CLCC1: variants seen among roughly 807,000 people sequenced by gnomAD.
The protein encoded by CLCC1 is chloride channel CLIC-like protein 1.
In CLCC1, 39 loss-of-function variants were observed where a neutral mutation model predicts 63.3. The observed-to-expected ratio is 0.62, with a 90% CI of 0.48 to 0.81. The LOEUF is 0.81. CLCC1 is among the 30% of genes least tolerant of loss of function. The pLI is 0.00. For synonymous variants in CLCC1, 217 were observed against 239.8 expected (o/e 0.90, Z 0.88); for missense variants, 549 against 669.4 (o/e 0.82, Z 1.98).
At chr1:108,955,397 G>T (rs1655756005) in intron 2 of CLCC1, among the ~76,000 whole-genome samples, 1 of 151,422 alleles carries the variant, frequency 6.6e-6, no homozygotes, top group Admixed American at 6.6e-5. Flanking sequence ...TCTCCCCACG[G>T]AAAGATGGAG....
chr1:108,929,535 A>G lies in CLCC1; in HGVS notation c.*3012T>C. The G allele has an allele frequency of 1.5e-6, 1 of 665,876 alleles. No homozygotes were observed. Among genetic ancestry groups the G allele is most frequent in the South Asian group, 1.9e-5 (1 of 53,052 alleles). 41.2% of individuals were successfully genotyped at this position (665,876 alleles called of 1,614,324 possible). ...GGTTTAAAGATTATTTCTTTCAGAA[A>G]TCAGGCTGGGAACTAAAGAGAACAA... On this transcript the variant is annotated 3_prime_UTR_variant, in exon 13 of 13. Coordinates refer to ENST00000369969, the MANE Select transcript of CLCC1 (RefSeq NM_001377458.1).
intron 4 of CLCC1, among the ~76,000 whole-genome samples, chr1:108,949,553 G>A (rs1162821219): frequency 6.6e-6 from 1 of 152,092 alleles, no homozygotes. Context: ...CGTATTCCTT[G>A]CACCAAGAAG....
intron 1 of CLCC1, among the ~76,000 whole-genome samples, chr1:108,963,132 G>A (rs1656885675): frequency 1.3e-5 from 2 of 152,202 alleles, no homozygotes; most frequent in African/African-American, 4.8e-5. Context: ...GCACCTCCCC[G>A]GAACGCGCGC....
chr1:108,930,206 T>A lies in CLCC1; in HGVS notation c.*2341A>T, dbSNP rs1282232810. 11 of 381,566 alleles carry A rather than the reference T, an allele frequency of 2.9e-5. No individual in the cohort carries two copies. The South Asian group carries it at 5.8e-4, about 20-fold the overall frequency. The allele number at this position is 381,566 out of a possible 1,614,324, so 23.6% of individuals were successfully genotyped here. A position where few individuals can be genotyped will look rare whatever the true frequency, so the allele number is the denominator to read the frequency against. ...TGGCAGCTTGTGAGATTACTTTACC[T>A]AGTGTTTATAAAGTAGGAAGTTAAG... On this transcript the variant is annotated 3_prime_UTR_variant, in exon 13 of 13. Coordinates refer to ENST00000369969, the MANE Select transcript of CLCC1 (RefSeq NM_001377458.1).
intron 2 of CLCC1, among the ~76,000 whole-genome samples, chr1:108,960,308 T>C (rs935234000): frequency 1.3e-5 from 2 of 152,098 alleles, no homozygotes; most frequent in Admixed American, 1.3e-4. Context: ...ATCAGGGCAA[T>C]AGAAGACAAG....
At chr1:108,953,327 C>T (rs1334960831) in intron 2 of CLCC1, among the ~76,000 whole-genome samples, 1 of 152,218 alleles carries the variant, frequency 6.6e-6, no homozygotes, top group African/African-American at 2.4e-5. Flanking sequence ...TCCATTAGCA[C>T]AATAGCTCTC....
intron 10 of CLCC1, among the ~76,000 whole-genome samples, chr1:108,939,400 A>G (rs540942409): frequency 4.7e-5 from 7 of 148,366 alleles, no homozygotes; most frequent in East Asian, 2.0e-4. Flanking sequence ...TCCGCCTCCC[A>G]GGTTCACCCC....
intron 10 of CLCC1, 23 bp downstream of exon 10, chr1:108,939,613 A>G (rs1170006275): frequency 1.2e-6 from 2 of 1,607,028 alleles, no homozygotes; most frequent in Non-Finnish European, 8.5e-7. Flanking sequence ...CTGGCCCGAC[A>G]GTGCTAATAT....
intron 2 of CLCC1, among the ~76,000 whole-genome samples, chr1:108,951,005 T>C (rs902524301): frequency 1.3e-5 from 2 of 152,188 alleles, no homozygotes; most frequent in African/African-American, 4.8e-5. Context: ...ATTCCATTGC[T>C]AGGTATATAC....
At position 108,953,159 on chromosome 1, in the gene CLCC1, A is replaced by G. The variant is rs1655426855; in HGVS notation, c.-11-2711T>C. On this transcript the variant is annotated intron_variant, in intron 2 of 12. Transcript: ENST00000369969. ...ATAAGAATCAGGCAAGAGAACCCCA[A>G]GATGACAAAGCCCTGGGCCCTGCCC... Among the ~76,000 whole-genome samples the G allele has an allele frequency of 3.3e-5, 5 of 152,222 alleles. No individual in the cohort carries two copies. The South Asian group carries it at 1.0e-3, about 32-fold the overall frequency.
chr1:108,939,393 G>A (rs571692095), intron 10 of CLCC1, among the ~76,000 whole-genome samples: 22 of 147,710 alleles, frequency 1.5e-4, no homozygotes, highest in African/African-American at 5.3e-4. Flanking sequence ...TGCAAGCTCC[G>A]CCTCCCAGGT....
In CLCC1 at chr1:108,937,396, T is replaced by A; in HGVS notation, c.1064A>T (p.Lys355Ile). 6.2e-7 allele frequency: 1 copy of A among 1,606,152 alleles called. No homozygotes were observed. The highest frequency in any genetic ancestry group is 8.5e-7 in the Non-Finnish European group (1 of 1,176,458). Reference protein sequence around the residue: ...AILSFCYGAGKSVHVLRHIGG... With the variant: ...AILSFCYGAGISVHVLRHIGG... ...TATATGTCTCAGCACATGAACTGAT[T>A]TTCCAGCACCATAGCAGAAACTCTG... Residue 355 changes from lysine (K) to isoleucine (I), a missense_variant, in exon 11 of 13, where the codon AAA (lysine) becomes ATA (isoleucine). Transcript: ENST00000369969.
chr1:108,941,388 G>C lies in CLCC1; in HGVS notation c.796+17C>G, dbSNP rs974289381. ...GAATTTCTATTCAAAATAAGGACAAGTGCACAAACACCTTACCCCAGATAC... is the reference window on the plus strand; with the variant it reads ...GAATTTCTATTCAAAATAAGGACAACTGCACAAACACCTTACCCCAGATAC... On this transcript the variant is annotated intron_variant, in intron 8 of 12. Coordinates refer to ENST00000369969, the MANE Select transcript of CLCC1 (RefSeq NM_001377458.1). 1.9e-6 allele frequency: 3 copies of C among 1,599,810 alleles called. No homozygotes were observed. The African/African-American group carries it at 4.0e-5, about 21-fold the overall frequency.
In CLCC1 at chr1:108,931,637, A is replaced by G; in HGVS notation, c.*910T>C. 1 of 1,158,302 alleles carries G rather than the reference A, an allele frequency of 8.6e-7. No homozygotes were observed. The highest frequency in any genetic ancestry group is 1.8e-5 in the South Asian group (1 of 54,516). The allele number at this position is 1,158,302 out of a possible 1,614,324, so 71.8% of individuals were successfully genotyped here. On this transcript the variant is annotated 3_prime_UTR_variant, in exon 13 of 13. Transcript: ENST00000369969. The stretch of plus-strand genomic sequence containing the variant: ...ACATTAAGTGCTCAGCTAAAAAAAA[A>G]AAAAAAGTTCTAAATTACAACCTGG...
In CLCC1 at chr1:108,949,844, G is replaced by A. The variant is rs776233123; in HGVS notation, c.207C>T (p.His69=). ...SCADEISECY[H]KLDSLTYKID... ...CCTTATAAGTTAAAGAATCAAGTTTGTGATAACATTCTGATATTTCATCAG... is the reference window on the plus strand; with the variant it reads ...CCTTATAAGTTAAAGAATCAAGTTTATGATAACATTCTGATATTTCATCAG... Residue 69 remains histidine (H), a synonymous_variant, in exon 4 of 13, where the codon CAC becomes CAT. Coordinates refer to ENST00000369969, the MANE Select transcript of CLCC1 (RefSeq NM_001377458.1). The A allele has an allele frequency of 6.3e-7, 1 of 1,580,732 alleles. No individual in the cohort carries two copies. Among genetic ancestry groups the A allele is most frequent in the Non-Finnish European group, 8.6e-7 (1 of 1,165,360 alleles).
At chr1:108,942,975 G>C (rs761776876) in intron 7 of CLCC1, among the ~76,000 whole-genome samples, 1 of 151,990 alleles carries the variant, frequency 6.6e-6, no homozygotes, top group Non-Finnish European at 1.5e-5. Flanking sequence ...GAGTGCAGCA[G>C]CGCAATCTTG....
intron 5 of CLCC1, among the ~76,000 whole-genome samples, chr1:108,946,062 C>A (rs1332398339): frequency 6.6e-6 from 1 of 152,070 alleles, no homozygotes; most frequent in Non-Finnish European, 1.5e-5. Flanking sequence ...ATAATCCCAG[C>A]ACTTTGGGAG....
chr1:108,937,012 C>A, intron 11 of CLCC1, 65 bp downstream of exon 11: 2 of 1,171,246 alleles, frequency 1.7e-6, no homozygotes, highest in Non-Finnish European at 2.3e-6. Context: ...AACAATCAGA[C>A]CTCTTCCAGA....
chr1:108,949,758 C>G, intron 4 of CLCC1, 62 bp downstream of exon 4: 1 of 853,656 alleles, frequency 1.2e-6, no homozygotes. Flanking sequence ...TCAGCAGAGA[C>G]AAGAATATAG....
Sources: gnomAD v4.1 joint callset for allele counts (sites outside exome capture counted in the v4.1 genomes callset) on GRCh38, gnomAD v4.1.1 for gene constraint, MANE v1.5 for transcripts, NCBI Gene and HGNC (gene_info 2026-07-23, HGNC 2026-07-21) for gene names.